PSTPIP2: variants seen among roughly 807,000 people sequenced by gnomAD.
PSTPIP2 encodes proline-serine-threonine phosphatase interacting protein 2, also known as proline-serine-threonine phosphatase-interacting protein 2.
PSTPIP2 carries 33 observed loss-of-function variants against 63.3 expected under a neutral mutation model. The observed-to-expected ratio is 0.52, with a 90% CI of 0.40 to 0.70. PSTPIP2 has a LOEUF of 0.70. PSTPIP2 is among the 30% of genes least tolerant of loss of function. The pLI is 0.00. For missense variants in PSTPIP2, 312 were observed against 400.7 expected (o/e 0.78, Z 1.89); for synonymous variants, 125 against 132.7 (o/e 0.94, Z 0.40).
chr18:46,014,330 C>T (rs1317539981), intron 4 of PSTPIP2, among the ~76,000 whole-genome samples: 12 of 150,836 alleles, frequency 8.0e-5, no homozygotes, highest in Admixed American at 7.9e-4. Context: ...CAAAAGGGAT[C>T]ATTTCTAGGA....
chr18:46,043,430 C>A (rs546634061), intron 1 of PSTPIP2, among the ~76,000 whole-genome samples: 1 of 150,872 alleles, frequency 6.6e-6, no homozygotes, highest in African/African-American at 2.4e-5. Flanking sequence ...GGAATCTCAA[C>A]GCAGAAAAAG....
At chr18:46,000,472 T>A (rs1181589566) in intron 6 of PSTPIP2, among the ~76,000 whole-genome samples, 2 of 152,188 alleles carry the variant, frequency 1.3e-5, no homozygotes, top group African/African-American at 4.8e-5. Context: ...GTTCAAGCGA[T>A]TCTCCTGCCT....
chr18:46,060,412 G>C (rs1908947908), intron 1 of PSTPIP2, among the ~76,000 whole-genome samples: 1 of 152,132 alleles, frequency 6.6e-6, no homozygotes, highest in Non-Finnish European at 1.5e-5. Flanking sequence ...TTTATCATTT[G>C]AAACACATTG....
intron 2 of PSTPIP2, among the ~76,000 whole-genome samples, chr18:46,035,129 A>G (rs1907921596): frequency 6.6e-6 from 1 of 152,056 alleles, no homozygotes; most frequent in Non-Finnish European, 1.5e-5. Flanking sequence ...GTTTCCTTTA[A>G]AGAGAAATAA....
intron 7 of PSTPIP2, 100 bp downstream of exon 7, chr18:45,999,336 G>A (rs556406051): frequency 9.2e-7 from 1 of 1,092,768 alleles, no homozygotes; most frequent in African/African-American, 1.6e-5. Flanking sequence ...TATTTCCAGG[G>A]GTTTAGGATA....
chr18:46,047,612 C>G (rs937612831), intron 1 of PSTPIP2, among the ~76,000 whole-genome samples: 2 of 152,052 alleles, frequency 1.3e-5, no homozygotes, highest in African/African-American at 4.8e-5. Context: ...ATCGCTTGAA[C>G]GTGGGAAACA....
At chr18:46,040,207 C>A in intron 1 of PSTPIP2, 160 bp from the exon 2 acceptor site, 1 of 502,064 alleles carries the variant, frequency 2.0e-6, no homozygotes, top group African/African-American at 2.0e-5. Flanking sequence ...GGCTTCTCCA[C>A]CCCCACCCTG....
intron 1 of PSTPIP2, among the ~76,000 whole-genome samples, chr18:46,051,533 T>C (rs983765576): frequency 6.6e-6 from 1 of 152,212 alleles, no homozygotes; most frequent in Admixed American, 6.5e-5. Flanking sequence ...CTATTATGTA[T>C]GTTAAGGTCA....
chr18:45,988,903 TA>T, intron 13 of PSTPIP2, 144 bp from the exon 14 acceptor site: 1 of 677,830 alleles, frequency 1.5e-6, no homozygotes, highest in East Asian at 2.7e-5. Context: ...ACAAAAACTA[TA>T]AATGGTAGTC....
chr18:45,993,709 G>C lies in PSTPIP2; in HGVS notation c.643-6C>G, dbSNP rs192151940. ...CATTCTTGAGCCTCAAATGCCTACA[G>C]AAAAATAGCTACGTGTACATAGATA... On this transcript the variant is annotated splice_region_variant and splice_polypyrimidine_tract_variant and intron_variant, in intron 9 of 14. Coordinates refer to ENST00000409746, the MANE Select transcript of PSTPIP2 (RefSeq NM_024430.4). 4,138 of 1,611,418 alleles carry C rather than the reference G, an allele frequency of 2.6e-3. 22 individuals carry two copies. The highest frequency in any genetic ancestry group is 2.5e-3 in the Non-Finnish European group (2,891 of 1,177,646).
chr18:46,058,864 G>A (rs924051692), intron 1 of PSTPIP2, among the ~76,000 whole-genome samples: 7 of 152,132 alleles, frequency 4.6e-5, no homozygotes, highest in Non-Finnish European at 1.0e-4. Context: ...CAGGCAGGTG[G>A]CCAGGACCTA....
At chr18:46,038,431 C>T (rs1406831445) in intron 2 of PSTPIP2, among the ~76,000 whole-genome samples, 1 of 152,134 alleles carries the variant, frequency 6.6e-6, no homozygotes, top group African/African-American at 2.4e-5. Flanking sequence ...ACACTTCCTT[C>T]CTCTGCAGAT....
intron 1 of PSTPIP2, among the ~76,000 whole-genome samples, chr18:46,051,354 A>T (rs1908574275): frequency 6.6e-6 from 1 of 152,152 alleles, no homozygotes; most frequent in Non-Finnish European, 1.5e-5. Context: ...GGGCACCTGT[A>T]ATCCCAGCTA....
At position 45,985,409 on chromosome 18, in the gene PSTPIP2, T is replaced by C. The variant is rs766717989; in HGVS notation, c.*50A>G. The C allele has an allele frequency of 1.2e-6, 2 of 1,612,714 alleles. No individual in the cohort carries two copies. Among genetic ancestry groups the C allele is most frequent in the Admixed American group, 1.7e-5 (1 of 59,708 alleles). On this transcript the variant is annotated 3_prime_UTR_variant, in exon 15 of 15. Coordinates refer to ENST00000409746, the MANE Select transcript of PSTPIP2 (RefSeq NM_024430.4). Reference sequence around the variant, plus strand: ...ATAGGTCCTGCTGCTCTGGGTGCCCTTTCCATATCACAGAAGCACTAGCCG... The same window carrying C: ...ATAGGTCCTGCTGCTCTGGGTGCCCCTTCCATATCACAGAAGCACTAGCCG...
chr18:46,026,815 G>T (rs1235931207), intron 2 of PSTPIP2, among the ~76,000 whole-genome samples: 2 of 152,154 alleles, frequency 1.3e-5, no homozygotes, highest in African/African-American at 4.8e-5. Flanking sequence ...TTAAGCCTGG[G>T]AGTTCAAGGC....
chr18:46,047,646 C>T lies in PSTPIP2; in HGVS notation c.34-7599G>A, dbSNP rs572751211. On this transcript the variant is annotated intron_variant, in intron 1 of 14. Transcript: ENST00000409746. ...CAGAGGTTGTGGTGAGCCGAAGTCA[C>T]GCCTTTGCACTCCAGCCTGGGCAAC... is the stretch of plus-strand genomic sequence containing the variant. 5.9e-5 allele frequency among the ~76,000 whole-genome samples: 9 copies of T among 152,130 alleles called. No individual in the cohort carries two copies. In the East Asian group the frequency reaches 9.7e-4, roughly 16 times the overall value.
intron 12 of PSTPIP2, 124 bp downstream of exon 12, chr18:45,991,778 C>T: frequency 1.1e-6 from 1 of 926,922 alleles, no homozygotes; most frequent in Non-Finnish European, 1.6e-6. Context: ...TTCCAAAAAG[C>T]AAGCAGCCTT....
At chr18:46,003,910 C>A (rs2051697378) in intron 6 of PSTPIP2, among the ~76,000 whole-genome samples, 1 of 151,756 alleles carries the variant, frequency 6.6e-6, no homozygotes, top group Non-Finnish European at 1.5e-5. Flanking sequence ...GTGCACACCA[C>A]CACACCCAGC....
At chr18:46,052,822 T>C (rs1908629600) in intron 1 of PSTPIP2, among the ~76,000 whole-genome samples, 3 of 152,232 alleles carry the variant, frequency 2.0e-5, no homozygotes, top group Admixed American at 2.0e-4. Context: ...TTATCCCATC[T>C]CCTAAATGTT....
Sources: allele counts gnomAD v4.1 joint callset (sites outside exome capture counted in the v4.1 genomes callset), GRCh38; gene constraint gnomAD v4.1.1; transcripts MANE v1.5; gene names NCBI Gene and HGNC (gene_info 2026-07-23, HGNC 2026-07-21).